Variants in GRIA1 observed in about 807,000 individuals in gnomAD.
GRIA1 encodes glutamate ionotropic receptor AMPA type subunit 1.
A neutral mutation model predicts 99.2 loss-of-function variants in GRIA1; 31 were observed. The ratio of observed to expected loss-of-function variants is 0.31; its 90% CI spans 0.23 to 0.42. The LOEUF (loss-of-function observed/expected upper bound fraction) is 0.42, where lower values mean the gene tolerates loss of function less well. GRIA1 is among the 10% of genes least tolerant of loss of function. The pLI is 1.00. For synonymous variants in GRIA1, 438 were observed against 432.4 expected, an observed-to-expected ratio of 1.01 and a Z score of -0.16; for missense variants, 782 against 1,157.5, an observed-to-expected ratio of 0.68 and a Z score of 4.71.
chr5:153,545,572 T>TG (rs1275958748), intron 2 of GRIA1, among the ~76,000 whole-genome samples: 6 of 152,138 alleles, frequency 3.9e-5, no homozygotes, highest in Admixed American at 2.0e-4. Flanking sequence ...GTTGCTTGGG[T>TG]CCCGGGTTAG....
At position 153,550,555 on chromosome 5, in the gene GRIA1, A is replaced by G. The variant is rs183913504; in HGVS notation, c.220+56490A>G. On this transcript the variant is annotated intron_variant, in intron 2 of 15. Coordinates refer to ENST00000285900, the MANE Select transcript of GRIA1 (RefSeq NM_000827.4). Reference sequence around the variant, plus strand: ...TAGGTACAATTGTTAAGGTAAAGGAAAAAACCATATTTGCAACTAGAACCA... The same window carrying G: ...TAGGTACAATTGTTAAGGTAAAGGAGAAAACCATATTTGCAACTAGAACCA... Among the ~76,000 whole-genome samples the G allele has an allele frequency of 9.9e-5, 15 of 152,240 alleles. No individual in the cohort carries two copies. In the East Asian group the frequency reaches 2.5e-3, roughly 25 times the overall value.
intron 2 of GRIA1, among the ~76,000 whole-genome samples, chr5:153,636,779 G>A (rs1293374877): frequency 2.6e-5 from 4 of 152,324 alleles, no homozygotes; most frequent in South Asian, 4.1e-4. Context: ...CATTAAATGA[G>A]TAATTCATGT....
At chr5:153,616,198 A>G (rs1056385323) in intron 2 of GRIA1, among the ~76,000 whole-genome samples, 1 of 152,120 alleles carries the variant, frequency 6.6e-6, no homozygotes, top group Non-Finnish European at 1.5e-5. Context: ...CCACAATCCT[A>G]TCGTTCAAGT....
In GRIA1 at chr5:153,764,545, T is replaced by C. The variant is rs921673903; in HGVS notation, c.1935T>C (p.Ser645=). The C allele has an allele frequency of 3.7e-6, 6 of 1,613,774 alleles. No individual in the cohort carries two copies. The East Asian group carries it at 1.1e-4, about 30-fold the overall frequency. Residue 645 remains serine, a synonymous_variant, in exon 12 of 16, where the codon TCT becomes TCC. Coordinates refer to ENST00000285900, the MANE Select transcript of GRIA1 (RefSeq NM_000827.4). ...AAFLTVERMV[S]PIESAEDLAK... is the part of the protein sequence containing the mutation. The stretch of plus-strand genomic sequence containing the variant: ...TCCTGACCGTGGAGAGGATGGTGTC[T>C]CCCATTGAGAGTGCAGAGGACCTAG...
chr5:153,603,146 C>G (rs1409964542), intron 2 of GRIA1, among the ~76,000 whole-genome samples: 1 of 151,258 alleles, frequency 6.6e-6, no homozygotes, highest in African/African-American at 2.4e-5. Flanking sequence ...TTGTTCAATT[C>G]CCACCTATGA....
chr5:153,760,432 T>C (rs1486541796), intron 11 of GRIA1, among the ~76,000 whole-genome samples: 1 of 151,960 alleles, frequency 6.6e-6, no homozygotes, highest in Non-Finnish European at 1.5e-5. Flanking sequence ...TCCATTTACA[T>C]AGCTCCAAAA....
chr5:153,711,961 A>T (rs540309945), intron 11 of GRIA1, among the ~76,000 whole-genome samples: 1 of 152,354 alleles, frequency 6.6e-6, no homozygotes, highest in Admixed American at 6.5e-5. Context: ...AATTACTCTC[A>T]GGAGAAGAAG....
At chr5:153,642,180 A>G (rs1289085438) in intron 2 of GRIA1, among the ~76,000 whole-genome samples, 1 of 152,238 alleles carries the variant, frequency 6.6e-6, no homozygotes, top group Non-Finnish European at 1.5e-5. Context: ...AGGATTTTCC[A>G]GAAACTGAAG....
At chr5:153,674,723 C>G (rs1228821968) in intron 6 of GRIA1, 62 bp downstream of exon 6, 1 of 1,524,388 alleles carries the variant, frequency 6.6e-7, no homozygotes, top group Non-Finnish European at 9.0e-7. Flanking sequence ...CCCCAGATTT[C>G]TGAGCTGCAT....
chr5:153,508,063 CAAAT>C lies in GRIA1; in HGVS notation c.220+14000_220+14003del, dbSNP rs1277204644. Among the ~76,000 whole-genome samples, 4 of 152,168 alleles carry C rather than the reference CAAAT, an allele frequency of 2.6e-5. No homozygotes were observed. In the East Asian group the frequency reaches 7.7e-4, roughly 29 times the overall value. ...CCCTTGGGGTTTACGTCCTGGGAAACAAATACATATAATGATTTCAAATACTAGT... is the reference window on the plus strand; with the variant it reads ...CCCTTGGGGTTTACGTCCTGGGAAACACATATAATGATTTCAAATACTAGT... On this transcript the variant is annotated intron_variant, in intron 2 of 15. Coordinates refer to ENST00000285900, the MANE Select transcript of GRIA1 (RefSeq NM_000827.4).
At chr5:153,546,605 C>T (rs941414829) in intron 2 of GRIA1, among the ~76,000 whole-genome samples, 10 of 152,088 alleles carry the variant, frequency 6.6e-5, no homozygotes, top group South Asian at 6.2e-4. Context: ...GTATGGGGAA[C>T]GTCTTACAGA....
At chr5:153,591,094 T>C (rs933254062) in intron 2 of GRIA1, among the ~76,000 whole-genome samples, 4 of 152,194 alleles carry the variant, frequency 2.6e-5, no homozygotes, top group African/African-American at 9.6e-5. Context: ...TTAAATTGTT[T>C]TTCAGAATGA....
At chr5:153,523,971 C>T (rs754178603) in intron 2 of GRIA1, among the ~76,000 whole-genome samples, 1 of 152,176 alleles carries the variant, frequency 6.6e-6, no homozygotes, top group Admixed American at 6.5e-5. Context: ...CTTAATTATA[C>T]AGGAGAAGCA....
rs1761059353 is a variant in GRIA1, at chr5:153,731,892, A to G, written c.1823+25825A>G. 1.3e-5 allele frequency among the ~76,000 whole-genome samples: 2 copies of G among 152,112 alleles called. 1 individual carries two copies. The highest frequency in any genetic ancestry group is 4.2e-4 in the South Asian group (2 of 4,812). The stretch of plus-strand genomic sequence containing the variant: ...ACTTCAAGTTAATACTCTTTGACCA[A>G]CATCTTATTTCCCCCATTCCATGAC... On this transcript the variant is annotated intron_variant, in intron 11 of 15. Coordinates refer to ENST00000285900, the MANE Select transcript of GRIA1 (RefSeq NM_000827.4).
intron 2 of GRIA1, among the ~76,000 whole-genome samples, chr5:153,621,330 G>A (rs989662780): frequency 6.6e-6 from 1 of 152,114 alleles, no homozygotes; most frequent in Admixed American, 6.5e-5. Context: ...GGACAGGCAT[G>A]GTGGTACACA....
intron 2 of GRIA1, among the ~76,000 whole-genome samples, chr5:153,558,360 A>G (rs78955592): frequency 0.026 from 4,006 of 152,218 alleles, 115 homozygotes; most frequent in African/African-American, 0.065. Context: ...TAATTATCCC[A>G]AAAAGGTTTT....
intron 4 of GRIA1, among the ~76,000 whole-genome samples, chr5:153,653,462 A>G (rs1328576903): frequency 1.3e-5 from 2 of 152,246 alleles, no homozygotes; most frequent in Non-Finnish European, 2.9e-5. Flanking sequence ...TCTGTAAACA[A>G]TGGGGAGTCA....
chr5:153,680,788 C>T (rs1232217332), intron 7 of GRIA1, among the ~76,000 whole-genome samples: 1 of 152,168 alleles, frequency 6.6e-6, no homozygotes, highest in Non-Finnish European at 1.5e-5. Context: ...TGTGGATGAT[C>T]AGAGCAGAAT....
At chr5:153,738,023 T>A (rs1761510776) in intron 11 of GRIA1, among the ~76,000 whole-genome samples, 1 of 152,156 alleles carries the variant, frequency 6.6e-6, no homozygotes, top group African/African-American at 2.4e-5. Flanking sequence ...ACCAGGGTGC[T>A]AAACTGGGGC....
Sources: allele counts gnomAD v4.1 joint callset (sites outside exome capture counted in the v4.1 genomes callset), GRCh38; gene constraint gnomAD v4.1.1; transcripts MANE v1.5; gene names NCBI Gene and HGNC (gene_info 2026-07-23, HGNC 2026-07-21).